TMEM132D: variants seen among roughly 807,000 people sequenced by gnomAD.
TMEM132D encodes transmembrane protein 132D, also known as mature OL transmembrane protein.
TMEM132D carries 21 observed loss-of-function variants against 62.3 expected under a neutral mutation model. The observed-to-expected ratio is 0.34, with a 90% confidence interval of 0.24 to 0.49. TMEM132D has a LOEUF of 0.49. Ranked by LOEUF, TMEM132D falls within the 20% of genes least tolerant of loss-of-function variation. TMEM132D has a pLI of 0.99. For missense variants in TMEM132D, 1,346 were observed against 1,402.8 expected, an observed-to-expected ratio of 0.96 and a Z score of 0.65; for synonymous variants, 621 against 575.6, an observed-to-expected ratio of 1.08 and a Z score of -1.13.
At chr12:129,761,917 T>C (rs1276970519) in intron 1 of TMEM132D, among the ~76,000 whole-genome samples, 2 of 152,122 alleles carry the variant, frequency 1.3e-5, no homozygotes, top group East Asian at 3.9e-4. Flanking sequence ...ATGGCCAAAA[T>C]GGGTCCTAGG....
chr12:129,317,244 A>T (rs1008249069), intron 4 of TMEM132D, among the ~76,000 whole-genome samples: 2 of 151,920 alleles, frequency 1.3e-5, no homozygotes, highest in Non-Finnish European at 2.9e-5. Flanking sequence ...ATCCTGTGTG[A>T]TTTATGCTTT....
Position 129,903,455 on chromosome 12 carries a change from G to C in TMEM132D, c.-116C>G, listed in dbSNP as rs1049781448. On this transcript the variant is annotated 5_prime_UTR_variant, in exon 1 of 9. Coordinates refer to ENST00000422113, the MANE Select transcript of TMEM132D (RefSeq NM_133448.3). The surrounding 1 kb of genome is among the most constrained non-coding windows in gnomAD (Gnocchi z 6.2). ...CCGGTGGCGAGGGAGCGCCCGGCTA[G>C]GGGCCCGAGCAGCCCGGGCGCCCTG... The C allele has an allele frequency of 4.3e-6, 5 of 1,157,080 alleles. No individual in the cohort carries two copies. Among genetic ancestry groups the C allele is most frequent in the Non-Finnish European group, 6.2e-6 (5 of 808,160 alleles). The allele number at this position is 1,157,080 out of a possible 1,614,324, so 71.7% of individuals were successfully genotyped here.
chr12:129,270,073 T>C (rs1395555005), intron 4 of TMEM132D, among the ~76,000 whole-genome samples: 3 of 152,186 alleles, frequency 2.0e-5, no homozygotes, highest in Admixed American at 6.5e-5. Context: ...TCTGATAAGC[T>C]CTGGCTTTTC....
At chr12:129,252,686 A>C (rs1880299872) in intron 4 of TMEM132D, among the ~76,000 whole-genome samples, 1 of 152,136 alleles carries the variant, frequency 6.6e-6, no homozygotes, top group African/African-American at 2.4e-5. Flanking sequence ...CCATCCCATT[A>C]CTGGGTATAT....
At chr12:129,732,979 G>A (rs1003415740) in intron 1 of TMEM132D, among the ~76,000 whole-genome samples, 1 of 152,182 alleles carries the variant, frequency 6.6e-6, no homozygotes. Flanking sequence ...GCTGTGCTGG[G>A]TATCATGGAT....
intron 1 of TMEM132D, chr12:129,854,839 T>G (rs945571115): frequency 3.9e-5 from 6 of 152,288 alleles, no homozygotes; most frequent in Admixed American, 2.6e-4. Context: ...CCGAGCCATC[T>G]GGCTGGAGAC....
chr12:129,690,122 C>T (rs911584697), intron 2 of TMEM132D, among the ~76,000 whole-genome samples: 21 of 152,222 alleles, frequency 1.4e-4, no homozygotes, highest in Middle Eastern at 3.4e-3. Context: ...ACCTGTGCTA[C>T]ATGGGAAGTA....
At chr12:129,249,848 C>T (rs1880219289) in intron 4 of TMEM132D, among the ~76,000 whole-genome samples, 1 of 152,086 alleles carries the variant, frequency 6.6e-6, no homozygotes, top group Non-Finnish European at 1.5e-5. Context: ...AGACGGCACA[C>T]TCAGGATAAT....
intron 3 of TMEM132D, among the ~76,000 whole-genome samples, chr12:129,453,777 C>T (rs184363389): frequency 4.6e-5 from 7 of 152,274 alleles, no homozygotes; most frequent in East Asian, 1.9e-4. Context: ...ACTTGGCTTG[C>T]GTCCTACGTT....
At chr12:129,747,610 GACAC>G (rs920504405) in intron 1 of TMEM132D, among the ~76,000 whole-genome samples, 4 of 143,546 alleles carry the variant, frequency 2.8e-5, no homozygotes, top group Admixed American at 7.0e-5. Context: ...TTGACATACA[GACAC>G]ACACAACACA....
At chr12:129,701,847 C>G (rs191829395) in intron 1 of TMEM132D, among the ~76,000 whole-genome samples, 13 of 152,306 alleles carry the variant, frequency 8.5e-5, no homozygotes, top group African/African-American at 3.1e-4. Flanking sequence ...TCTCAAAGGC[C>G]CACGCAAACA....
chr12:129,301,171 T>C (rs1593328968), intron 4 of TMEM132D, among the ~76,000 whole-genome samples: 1 of 152,180 alleles, frequency 6.6e-6, no homozygotes, highest in East Asian at 1.9e-4. Context: ...CAAGGAACTC[T>C]CCCCTTCCAG....
At chr12:129,193,216 T>C (rs4964841) in intron 5 of TMEM132D, among the ~76,000 whole-genome samples, 129,164 of 151,600 alleles carry the variant, frequency 0.85, 55,589 homozygotes, top group Admixed American at 0.91. Flanking sequence ...GCACTCTGTA[T>C]GTGATACAGT....
At chr12:129,670,584 T>C (rs546397371) in intron 2 of TMEM132D, among the ~76,000 whole-genome samples, 70 of 152,258 alleles carry the variant, frequency 4.6e-4, no homozygotes, top group African/African-American at 1.6e-3. Flanking sequence ...GGCTTCCCCC[T>C]ACCCACCAAG....
chr12:129,691,816 A>G (rs1881068577), intron 2 of TMEM132D, among the ~76,000 whole-genome samples: 1 of 152,160 alleles, frequency 6.6e-6, no homozygotes, highest in Non-Finnish European at 1.5e-5. Flanking sequence ...AATACTAAAT[A>G]CAGCAGCTAA....
chr12:129,087,872 C>CG (rs201835557), intron 5 of TMEM132D, among the ~76,000 whole-genome samples: 2,595 of 131,988 alleles, frequency 0.02, 280 homozygotes, highest in African/African-American at 0.08. Flanking sequence ...CCTCCATGAC[C>CG]GGGTGTCCTC....
At chr12:129,286,644 A>G (rs536396780) in intron 4 of TMEM132D, among the ~76,000 whole-genome samples, 1 of 152,298 alleles carries the variant, frequency 6.6e-6, no homozygotes, top group Non-Finnish European at 1.5e-5. Context: ...GCTCCGGGCA[A>G]TCAGGAATGT....
intron 5 of TMEM132D, among the ~76,000 whole-genome samples, chr12:129,121,488 A>C (rs1004117686): frequency 6.6e-6 from 1 of 152,188 alleles, no homozygotes; most frequent in Non-Finnish European, 1.5e-5. Context: ...CAAAAGAGTC[A>C]TTTGGGAAAG....
At chr12:129,441,347 C>G (rs768111672) in intron 3 of TMEM132D, among the ~76,000 whole-genome samples, 1 of 152,082 alleles carries the variant, frequency 6.6e-6, no homozygotes, top group African/African-American at 2.4e-5. Context: ...GTTGCCCGCA[C>G]GGTATGAGAA....
Sources: allele counts gnomAD v4.1 joint callset (sites outside exome capture counted in the v4.1 genomes callset), GRCh38; gene constraint gnomAD v4.1.1; non-coding constraint Gnocchi (gnomAD v3.1); transcripts MANE v1.5; gene names NCBI Gene and HGNC (gene_info 2026-07-23, HGNC 2026-07-21).